The following KLHL1 variants were observed in gnomAD, a reference collection of about 807,000 sequenced individuals.
The protein encoded by KLHL1 is kelch like family member 1, also known as kelch-like protein 1.
A neutral mutation model predicts 77.7 loss-of-function variants in KLHL1; 47 were observed. That is an observed-to-expected ratio of 0.60 (90% CI 0.48 to 0.77). The LOEUF is 0.77. KLHL1 is among the 30% of genes least tolerant of loss of function. The pLI, the probability that KLHL1 is intolerant of heterozygous loss-of-function variation, is 0.00. For missense variants in KLHL1, 925 were observed against 910.8 expected (o/e 1.02, Z -0.20); for synonymous variants, 360 against 325.2 (o/e 1.11, Z -1.15).
At chr13:69,941,761 A>T (rs898078831) in intron 3 of KLHL1, among the ~76,000 whole-genome samples, 6 of 152,074 alleles carry the variant, frequency 3.9e-5, no homozygotes, top group African/African-American at 1.4e-4. Context: ...AATAAACTCA[A>T]TTAGAAATGA....
At chr13:69,717,258 T>C (rs1280214656) in intron 9 of KLHL1, among the ~76,000 whole-genome samples, 3 of 152,166 alleles carry the variant, frequency 2.0e-5, no homozygotes, top group African/African-American at 7.2e-5. Flanking sequence ...TTGCCTATGA[T>C]TATATACTAC....
intron 4 of KLHL1, among the ~76,000 whole-genome samples, chr13:69,938,475 A>G (rs1318269473): frequency 6.6e-6 from 1 of 152,098 alleles, no homozygotes; most frequent in East Asian, 1.9e-4. Context: ...GATAAATTGC[A>G]GAATAGTCCA....
intron 3 of KLHL1, among the ~76,000 whole-genome samples, chr13:69,949,487 T>C (rs184629834): frequency 1.1e-3 from 166 of 151,970 alleles, no homozygotes; most frequent in African/African-American, 3.9e-3. Flanking sequence ...TCACTGGTGA[T>C]AGTCATCTTG....
intron 6 of KLHL1, among the ~76,000 whole-genome samples, chr13:69,833,200 C>T (rs1167024127): frequency 6.6e-6 from 1 of 152,126 alleles, no homozygotes; most frequent in Non-Finnish European, 1.5e-5. Flanking sequence ...TCTTCACAAA[C>T]TATGCATCTG....
At chr13:69,952,510 C>T (rs556370359) in intron 3 of KLHL1, among the ~76,000 whole-genome samples, 1 of 151,464 alleles carries the variant, frequency 6.6e-6, no homozygotes, top group South Asian at 2.1e-4. Context: ...CATGTAAGTG[C>T]CATTTGGCTA....
chr13:69,718,394 C>A (rs990615), intron 9 of KLHL1, among the ~76,000 whole-genome samples: 64,911 of 139,112 alleles, frequency 0.47, 14,123 homozygotes, highest in African/African-American at 0.52. Flanking sequence ...TAGAGACCAG[C>A]AATGATCAAT....
chr13:69,903,350 A>T lies in KLHL1; in HGVS notation c.1015-20855T>A, dbSNP rs1266661463. Among the ~76,000 whole-genome samples the T allele has an allele frequency of 2.0e-5, 3 of 152,120 alleles. No individual in the cohort carries two copies. In the East Asian group the frequency reaches 5.8e-4, roughly 29 times the overall value. ...CTTGGAAACCAACCAATTCCAGCTC[A>T]TTTAAACAAACCCACCAGAGCGCAT... On this transcript the variant is annotated intron_variant, in intron 4 of 10. Coordinates refer to ENST00000377844, the MANE Select transcript of KLHL1 (RefSeq NM_020866.3).
intron 1 of KLHL1, among the ~76,000 whole-genome samples, chr13:69,998,348 T>C (rs1014438160): frequency 6.6e-6 from 1 of 151,916 alleles, no homozygotes; most frequent in African/African-American, 2.4e-5. Context: ...GCTCACACAA[T>C]GGGAGCTCCC....
intron 7 of KLHL1, among the ~76,000 whole-genome samples, chr13:69,760,275 T>C (rs1356611943): frequency 6.6e-6 from 1 of 152,122 alleles, no homozygotes; most frequent in Non-Finnish European, 1.5e-5. Flanking sequence ...GACCTACCTT[T>C]TGTAAACACC....
At chr13:69,949,012 G>T (rs1382204433) in intron 3 of KLHL1, among the ~76,000 whole-genome samples, 1 of 151,736 alleles carries the variant, frequency 6.6e-6, no homozygotes, top group East Asian at 1.9e-4. Context: ...TAAAAATATA[G>T]TTTTATATGA....
intron 7 of KLHL1, among the ~76,000 whole-genome samples, chr13:69,775,037 C>CTATT (rs1875758366): frequency 6.6e-6 from 1 of 152,180 alleles, no homozygotes; most frequent in African/African-American, 2.4e-5. Flanking sequence ...AATCTAATCT[C>CTATT]TATTTCTGAG....
chr13:69,843,339 A>C (rs1416626694), intron 5 of KLHL1, among the ~76,000 whole-genome samples: 1 of 151,720 alleles, frequency 6.6e-6, no homozygotes, highest in Non-Finnish European at 1.5e-5. Context: ...ATTGTAACAG[A>C]ATAAAAAAGT....
intron 5 of KLHL1, among the ~76,000 whole-genome samples, chr13:69,842,462 C>T (rs935483135): frequency 2.0e-5 from 3 of 151,774 alleles, no homozygotes; most frequent in Non-Finnish European, 2.9e-5. Context: ...CATTAATCAT[C>T]AGAGAAATAT....
At chr13:69,953,187 G>A (rs534591143) in intron 3 of KLHL1, among the ~76,000 whole-genome samples, 7 of 151,282 alleles carry the variant, frequency 4.6e-5, no homozygotes, top group East Asian at 3.9e-4. Context: ...TTATGAATGC[G>A]CAAGTCTGAG....
At chr13:70,065,329 T>C (rs981830066) in intron 1 of KLHL1, among the ~76,000 whole-genome samples, 3 of 152,168 alleles carry the variant, frequency 2.0e-5, no homozygotes, top group African/African-American at 7.2e-5. Flanking sequence ...CTATAACAGA[T>C]GACAGTGGCA....
intron 1 of KLHL1, among the ~76,000 whole-genome samples, chr13:70,037,267 GC>G (rs1201256308): frequency 6.6e-6 from 1 of 151,978 alleles, no homozygotes; most frequent in East Asian, 1.9e-4. Flanking sequence ...TCTGAAAATG[GC>G]TTTCTTTATT....
chr13:69,841,536 C>T (rs1879261272), intron 5 of KLHL1, among the ~76,000 whole-genome samples: 1 of 151,486 alleles, frequency 6.6e-6, no homozygotes, highest in Non-Finnish European at 1.5e-5. Flanking sequence ...AATTACAAAA[C>T]ACTAATGAAA....
intron 1 of KLHL1, among the ~76,000 whole-genome samples, chr13:70,058,554 T>C (rs1593709938): frequency 6.6e-6 from 1 of 152,104 alleles, no homozygotes; most frequent in Admixed American, 6.5e-5. Context: ...GATCAGACTA[T>C]TGATTAAAGA....
intron 7 of KLHL1, among the ~76,000 whole-genome samples, chr13:69,771,276 CAAAAA>C (rs59252203): frequency 3.9e-5 from 5 of 128,060 alleles, no homozygotes; most frequent in African/African-American, 8.4e-5. Flanking sequence ...TAGCAACTTT[CAAAAA>C]AAAAAAAAAA....
Sources: allele counts gnomAD v4.1 joint callset (sites outside exome capture counted in the v4.1 genomes callset), GRCh38; gene constraint gnomAD v4.1.1; transcripts MANE v1.5; gene names NCBI Gene and HGNC (gene_info 2026-07-23, HGNC 2026-07-21).